The following DIPK1C variants were observed in gnomAD, a reference collection of about 807,000 sequenced individuals.
The protein encoded by DIPK1C is divergent protein kinase domain 1C, also known as familial non-conventional Alzheimer's dementia.
Under a neutral mutation model 28.0 loss-of-function variants are expected in DIPK1C, and 33 were observed. The ratio of observed to expected loss-of-function variants is 1.18; its 90% CI spans 0.89 to 1.58. The LOEUF (loss-of-function observed/expected upper bound fraction) is 1.58. Ranked by LOEUF, DIPK1C falls within the 40% of genes most tolerant of loss-of-function variation. The probability of loss-of-function intolerance (pLI) is 0.00; values close to 1 mark genes in which losing one functional copy is unlikely to be tolerated. For synonymous variants in DIPK1C, 255 were observed against 248.8 expected, an observed-to-expected ratio of 1.02 and a Z score of -0.23; for missense variants, 569 against 568.5, an observed-to-expected ratio of 1.00 and a Z score of -0.01.
In DIPK1C at chr18:74,436,528, C is replaced by T. The variant is rs745358332; in HGVS notation, c.1233G>A (p.Leu411=). The change falls in exon 4 of 4, where the codon CTG becomes CTA. Residue 411 remains leucine (L), a synonymous_variant. Transcript: ENST00000343998. ...WKLRQLLQAT[L]RELQEAEK Reference sequence around the variant, plus strand: ...ACTTCTCTGCCTCCTGCAGCTCCCTCAGTGTGGCTTGGAGGAGTTGGCGAA... The same window carrying T: ...ACTTCTCTGCCTCCTGCAGCTCCCTTAGTGTGGCTTGGAGGAGTTGGCGAA... 6.2e-7 allele frequency: 1 copy of T among 1,608,104 alleles called. No individual in the cohort carries two copies. Among genetic ancestry groups the T allele is most frequent in the Admixed American group, 1.7e-5 (1 of 59,604 alleles).
At position 74,447,293 on chromosome 18, in the gene DIPK1C, A is replaced by C. The variant is rs1986296292; in HGVS notation, c.199-10T>G. 2 of 1,518,434 alleles carry C rather than the reference A, an allele frequency of 1.3e-6. No homozygotes were observed. Among genetic ancestry groups the C allele is most frequent in the East Asian group, 4.9e-5 (2 of 40,588 alleles). 94.1% of individuals were successfully genotyped at this position (1,518,434 alleles called of 1,614,324 possible). ...CCTGGTAGTCCTGGCACTGGAAGGA[A>C]GGGAACAGTCGGTCACCATGGGGAG... On this transcript the variant is annotated splice_polypyrimidine_tract_variant and intron_variant, in intron 1 of 3. Coordinates refer to ENST00000343998, the MANE Select transcript of DIPK1C (RefSeq NM_001044369.3). This position sits in a 1 kb window ranked among gnomAD's most constrained non-coding sequence, Gnocchi z 4.1.
intron 1 of DIPK1C, among the ~76,000 whole-genome samples, chr18:74,455,366 A>C (rs1431429769): frequency 6.6e-6 from 1 of 152,172 alleles, no homozygotes; most frequent in East Asian, 1.9e-4. Flanking sequence ...TAAACCATCA[A>C]TGTTTGTTTA....
chr18:74,436,565 A>T lies in DIPK1C; in HGVS notation c.1196T>A (p.Val399Glu). 1 of 1,610,444 alleles carries T rather than the reference A, an allele frequency of 6.2e-7. No individual in the cohort carries two copies. The highest frequency in any genetic ancestry group is 8.5e-7 in the Non-Finnish European group (1 of 1,179,180). The change falls in exon 4 of 4, where the codon GTG becomes GAG. Residue 399 changes from valine to glutamate, a missense_variant. Physicochemically the swap from Val to Glu is moderately radical, Grantham distance 121. Transcript: ENST00000343998. The part of the protein sequence containing the change: ...SGNTRRAASS[V>E]FWKLRQLLQA... Reference sequence around the variant, plus strand: ...GAGGAGTTGGCGAAGCTTCCAGAACACGCTGGAGGCTGCTCTCCGGGTGTT... The same window carrying T: ...GAGGAGTTGGCGAAGCTTCCAGAACTCGCTGGAGGCTGCTCTCCGGGTGTT...
chr18:74,442,041 C>T lies in DIPK1C; in HGVS notation c.952G>A (p.Asp318Asn), dbSNP rs1568262110. 6.2e-7 allele frequency: 1 copy of T among 1,614,186 alleles called. No individual in the cohort carries two copies. ...REILEQNCTGDEDCNFFDCFS... is the reference protein window; with the variant it reads ...REILEQNCTGNEDCNFFDCFS... ...CAGTCAAAGAAATTGCAGTCTTCAT[C>T]TCCTGTGCAGTTTTGCTCAAGGATT... Residue 318 changes from aspartate to asparagine, a missense_variant, in exon 3 of 4, where the codon GAT (aspartate) becomes AAT (asparagine). By Grantham distance (23) the Asp-to-Asn change is conservative (BLOSUM62 1). Transcript: ENST00000343998.
At chr18:74,461,178 C>T (rs760695084), upstream of DIPK1C, among the ~76,000 whole-genome samples, 3 of 152,168 alleles carry the variant, frequency 2.0e-5, no homozygotes, top group Non-Finnish European at 4.4e-5. Context: ...GACTTTTCAT[C>T]TCCTCATCTT....
chr18:74,461,013 T>A (rs1178610860), upstream of DIPK1C, among the ~76,000 whole-genome samples: 1 of 152,246 alleles, frequency 6.6e-6, no homozygotes, highest in Admixed American at 6.5e-5. Flanking sequence ...CTGCTGCTGC[T>A]GCTGCCCTCA....
At chr18:74,463,380 T>A in the DIPK1C span, among the ~76,000 whole-genome samples, 1 of 152,240 alleles carries the variant, frequency 6.6e-6, no homozygotes, top group East Asian at 1.9e-4. Context: ...CAGCTTGGTT[T>A]GTAACCCTCT....
chr18:74,463,850 G>A, the DIPK1C span, among the ~76,000 whole-genome samples: 7 of 152,170 alleles, frequency 4.6e-5, no homozygotes, highest in Non-Finnish European at 5.9e-5. Context: ...CGCCTGACAC[G>A]AAATCAGCAC....
Position 74,436,724 on chromosome 18 carries a change from G to A in DIPK1C, c.1042-5C>T, listed in dbSNP as rs1374063862. 3 of 1,606,450 alleles carry A rather than the reference G, an allele frequency of 1.9e-6. No homozygotes were observed. In the African/African-American group the frequency reaches 4.0e-5, roughly 21 times the overall value. On this transcript the variant is annotated splice_region_variant and splice_polypyrimidine_tract_variant and intron_variant, in intron 3 of 3. Coordinates refer to ENST00000343998, the MANE Select transcript of DIPK1C (RefSeq NM_001044369.3). Reference sequence around the variant, plus strand: ...AAATATTTTGTCACAGATGACCTGAGGGAAAGAAGGGTGGACAGTTAATTT... The same window carrying A: ...AAATATTTTGTCACAGATGACCTGAAGGAAAGAAGGGTGGACAGTTAATTT...
rs1985972402 is a variant in DIPK1C at position 74,435,762 on chromosome 18, GA to G, written c.*738del. On this transcript the variant is annotated 3_prime_UTR_variant, in exon 4 of 4. Transcript: ENST00000343998. ...TTTTCTTTTTATTGTATTTAATTCC[GA>G]AAGAATGGTCACACTTCTTTGCTAG... The G allele has an allele frequency of 6.6e-6, 1 of 151,982 alleles. No homozygotes were observed. The highest frequency in any genetic ancestry group is 1.5e-5 in the Non-Finnish European group (1 of 67,996). 9.4% of individuals were successfully genotyped at this position (151,982 alleles called of 1,614,324 possible).
intron 3 of DIPK1C, among the ~76,000 whole-genome samples, chr18:74,440,639 G>A (rs1271054454): frequency 6.6e-6 from 1 of 152,216 alleles, no homozygotes; most frequent in African/African-American, 2.4e-5. Context: ...CTGTTCTCCT[G>A]CCAATTTTCT....
At chr18:74,450,224 T>G (rs1044714168) in intron 1 of DIPK1C, among the ~76,000 whole-genome samples, 2 of 152,204 alleles carry the variant, frequency 1.3e-5, no homozygotes, top group African/African-American at 4.8e-5. Flanking sequence ...AAAAATTGTT[T>G]CCTGATCTCC....
At chr18:74,442,860 C>A (rs988387519) in intron 2 of DIPK1C, among the ~76,000 whole-genome samples, 2 of 152,216 alleles carry the variant, frequency 1.3e-5, no homozygotes, top group Admixed American at 6.5e-5. Flanking sequence ...AGATTCAGGA[C>A]TGTAAAAGCT....
At chr18:74,458,898 CAGAAGG>C (rs1986575208), upstream of DIPK1C, among the ~76,000 whole-genome samples, 1 of 148,358 alleles carries the variant, frequency 6.7e-6, no homozygotes, top group Non-Finnish European at 1.5e-5. Context: ...GAGGCCAAGG[CAGAAGG>C]ATTGCTTGAG....
chr18:74,453,328 T>A (rs1986439043), intron 1 of DIPK1C, among the ~76,000 whole-genome samples: 1 of 152,222 alleles, frequency 6.6e-6, no homozygotes, highest in Non-Finnish European at 1.5e-5. Context: ...ACAGTGGTAT[T>A]CCTTCCCGAA....
rs554792364 is a variant in DIPK1C at position 74,447,959 on chromosome 18, G to A, written c.199-676C>T. 6.6e-6 allele frequency among the ~76,000 whole-genome samples: 1 copy of A among 152,314 alleles called. No individual in the cohort carries two copies. The highest frequency in any genetic ancestry group is 2.4e-5 in the African/African-American group (1 of 41,572). On this transcript the variant is annotated intron_variant, in intron 1 of 3. Transcript: ENST00000343998. This position sits in a 1 kb window ranked among gnomAD's most constrained non-coding sequence, Gnocchi z 4.1. ...AGGAGGACCCATGCAGGATAAAAGAGTAGGGAGTGTTTGCATCTGAGCGGC... is the reference window on the plus strand; with the variant it reads ...AGGAGGACCCATGCAGGATAAAAGAATAGGGAGTGTTTGCATCTGAGCGGC...
intron 3 of DIPK1C, among the ~76,000 whole-genome samples, chr18:74,437,692 T>C (rs755496101): frequency 1.3e-5 from 2 of 152,184 alleles, no homozygotes; most frequent in Non-Finnish European, 2.9e-5. Context: ...TACATTTTCA[T>C]GTGCAAAATT....
At chr18:74,438,396 A>T (rs1215799061) in intron 3 of DIPK1C, among the ~76,000 whole-genome samples, 1 of 152,186 alleles carries the variant, frequency 6.6e-6, no homozygotes, top group African/African-American at 2.4e-5. Flanking sequence ...ACATTTCTAG[A>T]AATAGGATTT....
chr18:74,443,948 G>A (rs1210990626), intron 2 of DIPK1C, among the ~76,000 whole-genome samples: 6 of 151,982 alleles, frequency 3.9e-5, no homozygotes, highest in African/African-American at 1.5e-4. Flanking sequence ...ATCTCCCAGG[G>A]AGAGCCAGGT....
Sources: gnomAD v4.1 joint callset for allele counts (sites outside exome capture counted in the v4.1 genomes callset) on GRCh38, gnomAD v4.1.1 for gene constraint, Gnocchi (gnomAD v3.1) non-coding constraint, MANE v1.5 for transcripts, NCBI Gene and HGNC (gene_info 2026-07-23, HGNC 2026-07-21) for gene names.